TASP1: variants seen among roughly 807,000 people sequenced by gnomAD.
The protein encoded by TASP1 is threonine aspartase 1.
TASP1 carries 16 observed loss-of-function variants against 56.6 expected under a neutral mutation model. The observed-to-expected ratio is 0.28, with a 90% CI of 0.19 to 0.43. The LOEUF is 0.43. Among genes scored for constraint, TASP1 ranks in the 20% least tolerant of loss-of-function variants. The probability of loss-of-function intolerance (pLI) is 1.00; values close to 1 mark genes in which losing one functional copy is unlikely to be tolerated. For missense variants in TASP1, 393 were observed against 511.6 expected, an observed-to-expected ratio of 0.77 and a Z score of 2.24; for synonymous variants, 179 against 184.2, an observed-to-expected ratio of 0.97 and a Z score of 0.23.
chr20:13,144,588 G>A, the TASP1 span, among the ~76,000 whole-genome samples: 1 of 152,170 alleles, frequency 6.6e-6, no homozygotes, highest in East Asian at 1.9e-4. Context: ...GGTGTCTTCA[G>A]TTATTATCAA....
At chr20:13,588,677 G>A (rs1025809079) in intron 4 of TASP1, among the ~76,000 whole-genome samples, 2 of 152,104 alleles carry the variant, frequency 1.3e-5, no homozygotes, top group Non-Finnish European at 2.9e-5. Flanking sequence ...ACCTAAATAG[G>A]TGGAAAACAT....
chr20:13,154,289 T>C, the TASP1 span: 1 of 921,262 alleles, frequency 1.1e-6, no homozygotes, highest in South Asian at 1.7e-5. Context: ...TGTCACTCTA[T>C]CAGCTAGACC....
At chr20:13,229,981 C>A in the TASP1 span, among the ~76,000 whole-genome samples, 3,022 of 152,242 alleles carry the variant, frequency 0.02, 45 homozygotes, top group Non-Finnish European at 0.022. Context: ...CACTATAATT[C>A]TATTTCTTAA....
At chr20:13,497,685 C>T (rs547200179) in intron 10 of TASP1, among the ~76,000 whole-genome samples, 1 of 152,268 alleles carries the variant, frequency 6.6e-6, no homozygotes, top group Admixed American at 6.5e-5. Context: ...CAGGGCAATC[C>T]TAAGCAAAAA....
intron 11 of TASP1, among the ~76,000 whole-genome samples, chr20:13,462,391 G>A (rs2044085956): frequency 6.6e-6 from 1 of 152,218 alleles, no homozygotes; most frequent in South Asian, 2.1e-4. Context: ...ACTGCTATAT[G>A]GGACAGCATG....
intron 2 of TASP1, among the ~76,000 whole-genome samples, chr20:13,626,096 A>G (rs1250151853): frequency 6.6e-6 from 1 of 152,146 alleles, no homozygotes; most frequent in East Asian, 1.9e-4. Flanking sequence ...CCACCCCTAA[A>G]GCCCCATAGG....
At chr20:13,249,977 G>A in the TASP1 span, among the ~76,000 whole-genome samples, 1 of 152,186 alleles carries the variant, frequency 6.6e-6, no homozygotes, top group African/African-American at 2.4e-5. Flanking sequence ...GAAAATCCAG[G>A]AGGAGGCCCA....
At chr20:13,549,015 T>G (rs6134907) in intron 8 of TASP1, among the ~76,000 whole-genome samples, 24,902 of 152,090 alleles carry the variant, frequency 0.16, 2,384 homozygotes, top group Middle Eastern at 0.23. Flanking sequence ...TACTCCATGT[T>G]GACAATGAAT....
chr20:13,335,684 A>G, the TASP1 span, among the ~76,000 whole-genome samples: 1 of 152,114 alleles, frequency 6.6e-6, no homozygotes, highest in Non-Finnish European at 1.5e-5. Flanking sequence ...TAATGAACAC[A>G]GAGGAAAAAA....
chr20:13,569,491 T>G lies in TASP1; in HGVS notation c.568+16A>C. 6.2e-7 allele frequency: 1 copy of G among 1,607,468 alleles called. No individual in the cohort carries two copies. Among genetic ancestry groups the G allele is most frequent in the East Asian group, 2.2e-5 (1 of 44,750 alleles). Reference sequence around the variant, plus strand: ...ATATGCTCATATAGCTTAATTTTTTTTAAGTTTTTACTCACTTGTGGTCAT... The same window carrying G: ...ATATGCTCATATAGCTTAATTTTTTGTAAGTTTTTACTCACTTGTGGTCAT... On this transcript the variant is annotated intron_variant, in intron 7 of 13. Transcript: ENST00000337743.
At chr20:13,155,829 A>T in the TASP1 span, among the ~76,000 whole-genome samples, 3 of 152,126 alleles carry the variant, frequency 2.0e-5, no homozygotes, top group East Asian at 1.9e-4. Context: ...CCGTCTAAAA[A>T]AATAATAATA....
At chr20:13,363,407 A>C in the TASP1 span, among the ~76,000 whole-genome samples, 7 of 152,142 alleles carry the variant, frequency 4.6e-5, no homozygotes, top group Admixed American at 1.3e-4. Context: ...ACAGGGACAG[A>C]AGCTCCTGTG....
intron 10 of TASP1, among the ~76,000 whole-genome samples, chr20:13,520,176 T>G (rs1006372525): frequency 3.3e-5 from 5 of 152,048 alleles, no homozygotes; most frequent in Admixed American, 2.0e-4. Context: ...AGAATCAATA[T>G]CGGGAAAATG....
the TASP1 span, among the ~76,000 whole-genome samples, chr20:13,326,610 AT>A: frequency 2.0e-5 from 3 of 152,094 alleles, no homozygotes. Flanking sequence ...TTAGCGTTTC[AT>A]GATGTTGAGC....
the TASP1 span, among the ~76,000 whole-genome samples, chr20:13,202,864 T>C: frequency 6.6e-6 from 1 of 152,226 alleles, no homozygotes; most frequent in Non-Finnish European, 1.5e-5. Context: ...TGGCTGAGAA[T>C]GAACTATTTG....
intron 9 of TASP1, among the ~76,000 whole-genome samples, chr20:13,532,292 T>G (rs1477905400): frequency 1.3e-5 from 2 of 152,248 alleles, no homozygotes; most frequent in African/African-American, 4.8e-5. Flanking sequence ...ATTGTGCATT[T>G]AAAATACATT....
At chr20:13,230,071 T>G in the TASP1 span, among the ~76,000 whole-genome samples, 2 of 152,196 alleles carry the variant, frequency 1.3e-5, no homozygotes, top group African/African-American at 4.8e-5. Flanking sequence ...TACTCATAGT[T>G]TAAAAGGCAT....
chr20:13,279,751 C>T, the TASP1 span: 2 of 1,614,046 alleles, frequency 1.2e-6, no homozygotes, highest in African/African-American at 2.7e-5. Context: ...GCAGAGGTCC[C>T]TGTCCTTGGC....
chr20:13,371,071 G>A, the TASP1 span, among the ~76,000 whole-genome samples: 1 of 151,676 alleles, frequency 6.6e-6, no homozygotes, highest in Non-Finnish European at 1.5e-5. Flanking sequence ...TTTCTTGGCC[G>A]TTCTAGCTAA....
Sources: allele counts gnomAD v4.1 joint callset (sites outside exome capture counted in the v4.1 genomes callset), GRCh38; gene constraint gnomAD v4.1.1; transcripts MANE v1.5; gene names NCBI Gene and HGNC (gene_info 2026-07-23, HGNC 2026-07-21).